Variants in ABCC3 observed in about 807,000 individuals in gnomAD.
ABCC3 encodes the protein ATP-binding cassette sub-family C member 3.
A neutral mutation model predicts 165.3 loss-of-function variants in ABCC3; 121 were observed. The observed-to-expected ratio is 0.73, with a 90% confidence interval of 0.63 to 0.85. The LOEUF (loss-of-function observed/expected upper bound fraction) is 0.85. Ranked by LOEUF, ABCC3 falls within the 40% of genes least tolerant of loss-of-function variation. ABCC3 has a pLI of 0.00. For missense variants in ABCC3, 1,869 were observed against 1,964.1 expected (o/e 0.95, Z 0.92); for synonymous variants, 733 against 810.1 (o/e 0.90, Z 1.62).
chr17:50,665,941 A>G (rs2146618057), intron 11 of ABCC3, among the ~76,000 whole-genome samples: 1 of 151,864 alleles, frequency 6.6e-6, no homozygotes, highest in Middle Eastern at 3.4e-3. Flanking sequence ...CCCACTGCCC[A>G]TAGGAAAAAT....
intron 14 of ABCC3, 123 bp from the exon 15 acceptor site, chr17:50,668,730 A>T: frequency 1.2e-6 from 1 of 866,516 alleles, no homozygotes; most frequent in Admixed American, 2.1e-5. Flanking sequence ...CCTTTTCCCA[A>T]GGATCCCCTC....
At chr17:50,679,690 G>A in intron 25 of ABCC3, 108 bp from the exon 26 acceptor site, 1 of 1,077,888 alleles carries the variant, frequency 9.3e-7, no homozygotes, top group Non-Finnish European at 1.4e-6. Context: ...TCATCCATGG[G>A]CTAGGATCCC....
At chr17:50,664,224 A>G in intron 10 of ABCC3, 113 bp downstream of exon 10, 1 of 1,405,392 alleles carries the variant, frequency 7.1e-7, no homozygotes, top group Non-Finnish European at 9.7e-7. Context: ...CCAGCTGCTC[A>G]GGCGGCTGAG....
intron 23 of ABCC3, among the ~76,000 whole-genome samples, chr17:50,677,270 G>A (rs1358152981): frequency 6.6e-6 from 1 of 152,170 alleles, no homozygotes; most frequent in African/African-American, 2.4e-5. Flanking sequence ...AAACATACGT[G>A]TATGCATGCG....
chr17:50,662,637 CAA>C (rs60389534), intron 8 of ABCC3, among the ~76,000 whole-genome samples: 15 of 74,920 alleles, frequency 2.0e-4, no homozygotes, highest in East Asian at 4.0e-4. Flanking sequence ...GACCCTGTCT[CAA>C]AAAAAAAAAA....
chr17:50,655,537 A>G (rs1262133889), intron 1 of ABCC3, among the ~76,000 whole-genome samples: 1 of 152,064 alleles, frequency 6.6e-6, no homozygotes, highest in East Asian at 1.9e-4. Flanking sequence ...GGTGTATACA[A>G]CTGTCAAAAC....
At chr17:50,642,760 A>G (rs1256357795) in intron 1 of ABCC3, among the ~76,000 whole-genome samples, 2 of 152,194 alleles carry the variant, frequency 1.3e-5, no homozygotes, top group African/African-American at 4.8e-5. Flanking sequence ...CCCGCCTTAC[A>G]GAGCCATGCC....
intron 29 of ABCC3, 37 bp from the exon 30 acceptor site, chr17:50,687,499 G>GC (rs750505460): frequency 1.3e-6 from 2 of 1,596,434 alleles, no homozygotes; most frequent in East Asian, 4.5e-5. Context: ...CAGGTGGGAG[G>GC]CCCCCAGCTG....
At chr17:50,686,999 C>T (rs997308408) in intron 29 of ABCC3, among the ~76,000 whole-genome samples, 1 of 152,102 alleles carries the variant, frequency 6.6e-6, no homozygotes, top group African/African-American at 2.4e-5. Flanking sequence ...CCTTTACCTC[C>T]TCAGTGACCA....
intron 11 of ABCC3, 67 bp from the exon 12 acceptor site, chr17:50,667,487 G>A: frequency 1.4e-6 from 2 of 1,393,978 alleles, no homozygotes; most frequent in South Asian, 1.3e-5. Context: ...ATGGAAGGTA[G>A]GACCCTGTGA....
At chr17:50,636,178 T>C (rs571232104) in intron 1 of ABCC3, among the ~76,000 whole-genome samples, 62 of 152,344 alleles carry the variant, frequency 4.1e-4, no homozygotes, top group African/African-American at 1.5e-3. Context: ...AGTCTTTTCC[T>C]ATTTTGAGTA....
chr17:50,655,888 C>A lies in ABCC3; in HGVS notation c.102C>A (p.Asn34Lys). Residue 34 changes from asparagine (N) to lysine (K), a missense_variant, in exon 2 of 31, where the codon AAC becomes AAA. Coordinates refer to ENST00000285238, the MANE Select transcript of ABCC3 (RefSeq NM_003786.4). ...CGGACCTCACTCCCTGCTTCCAGAA[C>A]TCCCTGCTGGCCTGGGTGCCCTGCA... is the stretch of plus-strand genomic sequence containing the variant. Reference protein sequence around the residue: ...ENPDLTPCFQNSLLAWVPCIY... With the variant: ...ENPDLTPCFQKSLLAWVPCIY... 1 of 1,614,064 alleles carries A rather than the reference C, an allele frequency of 6.2e-7. No individual in the cohort carries two copies. Among genetic ancestry groups the A allele is most frequent in the Non-Finnish European group, 8.5e-7 (1 of 1,179,992 alleles).
chr17:50,660,865 G>A, intron 7 of ABCC3, 58 bp from the exon 8 acceptor site: 1 of 1,500,460 alleles, frequency 6.7e-7, no homozygotes, highest in Non-Finnish European at 9.0e-7. Context: ...CCTAGCCCTT[G>A]GCTTCCTGGA....
At position 50,658,234 on chromosome 17, in the gene ABCC3, G is replaced by T. The variant is rs1210206455; in HGVS notation, c.612+27G>T. The T allele has an allele frequency of 2.5e-6, 4 of 1,613,954 alleles. No individual in the cohort carries two copies. In the South Asian group the frequency reaches 3.3e-5, roughly 13 times the overall value. Reference sequence around the variant, plus strand: ...TGAGTTTCCCATGGAGGGTGCGGGGGCTCCACAGCTGAGTCCTCAGCCCAA... The same window carrying T: ...TGAGTTTCCCATGGAGGGTGCGGGGTCTCCACAGCTGAGTCCTCAGCCCAA... On this transcript the variant is annotated intron_variant, in intron 5 of 30. Transcript: ENST00000285238.
intron 8 of ABCC3, among the ~76,000 whole-genome samples, chr17:50,662,710 T>C (rs1469010330): frequency 2.7e-5 from 4 of 148,344 alleles, no homozygotes; most frequent in African/African-American, 7.5e-5. Flanking sequence ...CCCACCCTAC[T>C]CCAATATGAC....
chr17:50,655,651 C>T (rs188529531), intron 1 of ABCC3, among the ~76,000 whole-genome samples, 181 bp from the exon 2 acceptor site: 24 of 152,108 alleles, frequency 1.6e-4, no homozygotes, highest in Admixed American at 8.5e-4. Context: ...GCAGCCATGG[C>T]GTCCTTGGAG....
At chr17:50,643,735 G>A (rs1966933781) in intron 1 of ABCC3, 3 of 421,716 alleles carry the variant, frequency 7.1e-6, no homozygotes, top group Non-Finnish European at 1.5e-5. Flanking sequence ...GTAAAAAGAG[G>A]GACTAGGTTG....
chr17:50,667,254 GAAGAAA>G (rs1188586499), intron 11 of ABCC3, among the ~76,000 whole-genome samples: 3 of 151,670 alleles, frequency 2.0e-5, no homozygotes, highest in Middle Eastern at 3.2e-3. Context: ...ATAATAAGAA[GAAGAAA>G]AAGAAGTAGT....
chr17:50,686,916 G>A (rs756095539), intron 29 of ABCC3, among the ~76,000 whole-genome samples: 6 of 152,172 alleles, frequency 3.9e-5, no homozygotes, highest in Non-Finnish European at 2.9e-5. Context: ...GCCTCTGGTT[G>A]GGAACACAGC....
Sources: allele counts gnomAD v4.1 joint callset (sites outside exome capture counted in the v4.1 genomes callset), GRCh38; gene constraint gnomAD v4.1.1; transcripts MANE v1.5; gene names NCBI Gene and HGNC (gene_info 2026-07-23, HGNC 2026-07-21).